The following DLGAP4 variants were observed in gnomAD, a reference collection of about 807,000 sequenced individuals.
DLGAP4 encodes the protein disks large-associated protein 4.
Under a neutral mutation model 86.9 loss-of-function variants are expected in DLGAP4, and 18 were observed. The ratio of observed to expected loss-of-function variants is 0.21; its 90% CI spans 0.14 to 0.31. The LOEUF is 0.31. Ranked by LOEUF, DLGAP4 falls within the 10% of genes least tolerant of loss-of-function variation. The pLI is 1.00. For synonymous variants in DLGAP4, 548 were observed against 574.3 expected, an observed-to-expected ratio of 0.95 and a Z score of 0.65; for missense variants, 1,085 against 1,362.6, an observed-to-expected ratio of 0.80 and a Z score of 3.21.
chr20:36,379,276 C>CTTT (rs2031281761), intron 2 of DLGAP4, among the ~76,000 whole-genome samples: 3 of 152,170 alleles, frequency 2.0e-5, no homozygotes, highest in Non-Finnish European at 1.5e-5. Context: ...GAGGGCCAGG[C>CTTT]CCATGGGAGA....
intron 2 of DLGAP4, among the ~76,000 whole-genome samples, chr20:36,420,649 G>C (rs2032796642): frequency 6.6e-6 from 1 of 152,006 alleles, no homozygotes; most frequent in Non-Finnish European, 1.5e-5. Flanking sequence ...ACTGGCCTGG[G>C]CAACATGGGG....
chr20:36,329,249 G>C (rs1600402527), intron 1 of DLGAP4, among the ~76,000 whole-genome samples: 1 of 152,138 alleles, frequency 6.6e-6, no homozygotes, highest in African/African-American at 2.4e-5. Context: ...GGCAATTTCA[G>C]CTCCAGGAAA....
At chr20:36,471,622 C>T (rs1203137483) in intron 7 of DLGAP4, among the ~76,000 whole-genome samples, 1 of 152,228 alleles carries the variant, frequency 6.6e-6, no homozygotes, top group Non-Finnish European at 1.5e-5. Context: ...TCATTCCTGC[C>T]TTTCTCATGT....
chr20:36,366,703 A>G (rs1300336950), intron 1 of DLGAP4, among the ~76,000 whole-genome samples: 3 of 152,044 alleles, frequency 2.0e-5, no homozygotes, highest in Non-Finnish European at 4.4e-5. Flanking sequence ...CCCTTTCCCA[A>G]CTTCTCCCAT....
chr20:36,394,008 C>T (rs1274891555), intron 2 of DLGAP4, among the ~76,000 whole-genome samples: 1 of 152,220 alleles, frequency 6.6e-6, no homozygotes, highest in Non-Finnish European at 1.5e-5. Context: ...CACTGGCCTG[C>T]CTTCTATTTC....
In DLGAP4 at chr20:36,325,719, C is replaced by CT. The variant is rs150878228; in HGVS notation, c.-304+19222dup. On this transcript the variant is annotated intron_variant, in intron 1 of 12. Coordinates refer to ENST00000339266, the MANE Select transcript of DLGAP4 (RefSeq NM_001365621.2). ...TGATTTTATAATATTACAAAATATA[C>CT]TTTTTTTTTTTTTTTGAGACTGAGT... Among the ~76,000 whole-genome samples the CT allele has an allele frequency of 3.8e-3, 545 of 142,346 alleles. 2 individuals carry two copies. Among genetic ancestry groups the CT allele is most frequent in the East Asian group, 0.013 (66 of 4,970 alleles). The allele number at this position is 142,346 out of a possible 152,430, so 93.4% of individuals were successfully genotyped here.
Position 36,431,940 on chromosome 20 carries a change from C to T in DLGAP4, c.223C>T (p.His75Tyr). Residue 75 changes from histidine (H) to tyrosine (Y), a missense_variant, in exon 3 of 13, where the codon CAC becomes TAC. Physicochemically the swap from His to Tyr is moderately conservative, Grantham distance 83. Transcript: ENST00000339266. The surrounding 1 kb of genome is among the most constrained non-coding windows in gnomAD (Gnocchi z 5.1). ...GCCCAGCAGCACCTTTCCCCGCATC[C>T]ACTACAACTCCCACTTCGAGGTGCC... ...PPPSSTFPRIHYNSHFEVPEE... is the reference protein window; with the variant it reads ...PPPSSTFPRIYYNSHFEVPEE... 1 of 1,614,230 alleles carries T rather than the reference C, an allele frequency of 6.2e-7. No individual in the cohort carries two copies. Among genetic ancestry groups the T allele is most frequent in the East Asian group, 2.2e-5 (1 of 44,882 alleles).
Position 36,446,954 on chromosome 20 carries a change from G to A in DLGAP4, c.1648+17G>A. On this transcript the variant is annotated intron_variant, in intron 7 of 12. Transcript: ENST00000339266. ...CGCTTCCGAGTGAGTACTGTGATGA[G>A]GGAAGGGGTTTTTTTTCTTTTCAAG... 1 of 1,586,142 alleles carries A rather than the reference G, an allele frequency of 6.3e-7. No individual in the cohort carries two copies. Among genetic ancestry groups the A allele is most frequent in the Non-Finnish European group, 8.6e-7 (1 of 1,160,746 alleles).
intron 1 of DLGAP4, among the ~76,000 whole-genome samples, chr20:36,353,492 C>T (rs1442517565): frequency 6.6e-6 from 1 of 152,228 alleles, no homozygotes; most frequent in Non-Finnish European, 1.5e-5. Context: ...TTTTCTGCTG[C>T]TGATCTTTTT....
chr20:36,460,839 G>A (rs913790113), intron 7 of DLGAP4, among the ~76,000 whole-genome samples: 1 of 152,234 alleles, frequency 6.6e-6, no homozygotes, highest in African/African-American at 2.4e-5. Context: ...GGGGAGGAAT[G>A]GAAGGCTCAG....
In DLGAP4 at chr20:36,431,169, C is replaced by T. The variant is rs1349510113; in HGVS notation, c.-72-477C>T. Among the ~76,000 whole-genome samples the T allele has an allele frequency of 1.3e-5, 2 of 151,290 alleles. No homozygotes were observed. The highest frequency in any genetic ancestry group is 4.9e-5 in the African/African-American group (2 of 41,194). On this transcript the variant is annotated intron_variant, in intron 2 of 12. Coordinates refer to ENST00000339266, the MANE Select transcript of DLGAP4 (RefSeq NM_001365621.2). This position sits in a 1 kb window ranked among gnomAD's most constrained non-coding sequence, Gnocchi z 5.1. Reference sequence around the variant, plus strand: ...ACAGGGTCCTCCCGTGGGAGGTGGACCCTGCCACAGGGACCATCCTGGGGT... The same window carrying T: ...ACAGGGTCCTCCCGTGGGAGGTGGATCCTGCCACAGGGACCATCCTGGGGT...
intron 2 of DLGAP4, among the ~76,000 whole-genome samples, chr20:36,426,461 G>A (rs923538693): frequency 1.3e-5 from 2 of 152,108 alleles, no homozygotes; most frequent in African/African-American, 2.4e-5. Flanking sequence ...GTTGCAGTGA[G>A]CCGAGATCGC....
At chr20:36,437,654 G>A (rs1569499228) in intron 4 of DLGAP4, among the ~76,000 whole-genome samples, 1 of 152,180 alleles carries the variant, frequency 6.6e-6, no homozygotes, top group Admixed American at 6.5e-5. Context: ...GAGGGAACAA[G>A]CTTCTCCCTA....
intron 1 of DLGAP4, among the ~76,000 whole-genome samples, chr20:36,339,925 G>A (rs2065360731): frequency 6.6e-6 from 1 of 152,220 alleles, no homozygotes; most frequent in Non-Finnish European, 1.5e-5. Context: ...TGGACCTCCG[G>A]CAAGAGGTGC....
At chr20:36,496,580 G>T in intron 7 of DLGAP4, 125 bp from the exon 8 acceptor site, 2 of 1,429,442 alleles carry the variant, frequency 1.4e-6, no homozygotes, top group South Asian at 2.9e-5. Context: ...AAATCCTTGC[G>T]GACGGAATGG....
At chr20:36,464,983 G>A (rs2034276606) in intron 7 of DLGAP4, among the ~76,000 whole-genome samples, 1 of 152,152 alleles carries the variant, frequency 6.6e-6, no homozygotes, top group Admixed American at 6.6e-5. Flanking sequence ...TTGAGCTTCA[G>A]TTTTCTTATC....
At chr20:36,413,258 A>G (rs998748476) in intron 2 of DLGAP4, among the ~76,000 whole-genome samples, 2 of 151,764 alleles carry the variant, frequency 1.3e-5, no homozygotes, top group Admixed American at 6.6e-5. Flanking sequence ...GATTACAGGC[A>G]TGAGCCACCG....
intron 8 of DLGAP4, chr20:36,499,063 G>C (rs2036007448): frequency 1.6e-6 from 1 of 621,228 alleles, no homozygotes; most frequent in African/African-American, 1.9e-5. Flanking sequence ...TTTGCCCTTA[G>C]TGCAGGCGCC....
rs1019477649 is a variant in DLGAP4, at chr20:36,367,220, C to CT, written c.-127dup. 2.0e-5 allele frequency: 3 copies of CT among 152,996 alleles called. No individual in the cohort carries two copies. The highest frequency in any genetic ancestry group is 7.2e-5 in the African/African-American group (3 of 41,466). The allele number at this position is 152,996 out of a possible 1,614,324, so 9.5% of individuals were successfully genotyped here. A position where few individuals can be genotyped will look rare whatever the true frequency, so the allele number is the denominator to read the frequency against. ...GGTCCAGTGCCCGCTCCTGAGCTGACTCCTGCTGGGCCCCGACAGCTTGCC... is the reference window on the plus strand; with the variant it reads ...GGTCCAGTGCCCGCTCCTGAGCTGACTTCCTGCTGGGCCCCGACAGCTTGCC... On this transcript the variant is annotated 5_prime_UTR_variant, in exon 2 of 13. An upstream open reading frame in the 5' UTR gains an earlier in-frame stop. Transcript: ENST00000339266.
Sources: gnomAD v4.1 joint callset for allele counts (sites outside exome capture counted in the v4.1 genomes callset) on GRCh38, gnomAD v4.1.1 for gene constraint, Gnocchi (gnomAD v3.1) non-coding constraint, MANE v1.5 for transcripts, NCBI Gene and HGNC (gene_info 2026-07-23, HGNC 2026-07-21) for gene names.